The following RABGEF1 variants were observed in gnomAD, a reference collection of about 807,000 sequenced individuals.
The protein encoded by RABGEF1 is RAB guanine nucleotide exchange factor 1.
Under a neutral mutation model 57.3 loss-of-function variants are expected in RABGEF1, and 26 were observed. That is an observed-to-expected ratio of 0.45 (90% CI 0.33 to 0.63). The LOEUF (loss-of-function observed/expected upper bound fraction) is 0.63, where lower values mean the gene tolerates loss of function less well. Among genes scored for constraint, RABGEF1 ranks in the 20% least tolerant of loss-of-function variants. The pLI, the probability that RABGEF1 is intolerant of heterozygous loss-of-function variation, is 0.02. For missense variants in RABGEF1, 464 were observed against 607.6 expected (o/e 0.76, Z 2.48); for synonymous variants, 185 against 210.7 (o/e 0.88, Z 1.06).
At chr7:66,723,881 ATTATCTT>A (rs1796319016) in intron 2 of RABGEF1, among the ~76,000 whole-genome samples, 1 of 152,158 alleles carries the variant, frequency 6.6e-6, no homozygotes, top group Non-Finnish European at 1.5e-5. Context: ...TGCCTGGCCA[ATTATCTT>A]TTAAAGAAAT....
intron 1 of RABGEF1, among the ~76,000 whole-genome samples, chr7:66,748,512 A>G (rs1800739135): frequency 6.6e-6 from 1 of 152,348 alleles, no homozygotes; most frequent in South Asian, 2.1e-4. Context: ...TCGTGGGGGT[A>G]TCACGATGGA....
At chr7:66,664,317 C>T in the RABGEF1 span, among the ~76,000 whole-genome samples, 3 of 152,068 alleles carry the variant, frequency 2.0e-5, no homozygotes, top group Non-Finnish European at 4.4e-5. Flanking sequence ...CAGTGACTGA[C>T]ACCTGTAATC....
the RABGEF1 span, among the ~76,000 whole-genome samples, chr7:66,672,850 C>T: frequency 2.0e-5 from 3 of 152,240 alleles, no homozygotes; most frequent in Non-Finnish European, 4.4e-5. Context: ...AGTGGGCTAT[C>T]AGCTGCCTCC....
At chr7:66,797,260 T>C (rs2129175124) in intron 5 of RABGEF1, 114 bp from the exon 6 acceptor site, 9 of 1,122,140 alleles carry the variant, frequency 8.0e-6, no homozygotes, top group Non-Finnish European at 9.8e-6. Flanking sequence ...GCCAAGGTCA[T>C]GCTGCTGCAC....
intron 1 of RABGEF1, among the ~76,000 whole-genome samples, chr7:66,704,671 C>T (rs1054046203): frequency 1.4e-4 from 21 of 152,006 alleles, no homozygotes; most frequent in Admixed American, 1.0e-3. Context: ...ATTAGCCGGG[C>T]GTGGTGGTGG....
chr7:66,755,701 T>A (rs1802543674), intron 1 of RABGEF1, among the ~76,000 whole-genome samples: 1 of 152,160 alleles, frequency 6.6e-6, no homozygotes, highest in Non-Finnish European at 1.5e-5. Flanking sequence ...AATTTTGAGC[T>A]GTTATTCCGG....
chr7:66,796,404 AAG>A (rs750311989), intron 5 of RABGEF1, among the ~76,000 whole-genome samples: 17 of 152,278 alleles, frequency 1.1e-4, no homozygotes, highest in Admixed American at 2.0e-4. Context: ...ATGAAAGGAT[AAG>A]TTTCATCAGC....
rs1562877731 is a variant in RABGEF1, at chr7:66,799,432, C to T, written c.820+18C>T. 2.6e-6 allele frequency: 4 copies of T among 1,551,310 alleles called. No individual in the cohort carries two copies. The highest frequency in any genetic ancestry group is 2.2e-5 in the East Asian group (1 of 44,538). On this transcript the variant is annotated intron_variant, in intron 7 of 8. Coordinates refer to ENST00000284957, the MANE Select transcript of RABGEF1 (RefSeq NM_014504.3). ...GATCACAGGTCAGTGAAACCAAGAGCCTTTTTATTGGGATGTTTTCCCCTT... is the reference window on the plus strand; with the variant it reads ...GATCACAGGTCAGTGAAACCAAGAGTCTTTTTATTGGGATGTTTTCCCCTT...
intron 1 of RABGEF1, among the ~76,000 whole-genome samples, chr7:66,770,037 T>G (rs1806693270): frequency 6.6e-6 from 1 of 152,204 alleles, no homozygotes; most frequent in Admixed American, 6.5e-5. Flanking sequence ...AAGTGAGAAT[T>G]CCTATGTCTG....
chr7:66,778,386 G>A lies in RABGEF1; in HGVS notation c.346+2993G>A, dbSNP rs186388644. Reference sequence around the variant, plus strand: ...AGAAAGTAAATGGAATGTCTTGACTGTAAAGACTCAGTTAAAGTGTTTTAG... The same window carrying A: ...AGAAAGTAAATGGAATGTCTTGACTATAAAGACTCAGTTAAAGTGTTTTAG... On this transcript the variant is annotated intron_variant, in intron 3 of 8. Coordinates refer to ENST00000284957, the MANE Select transcript of RABGEF1 (RefSeq NM_014504.3). Among the ~76,000 whole-genome samples, 344 of 152,344 alleles carry A rather than the reference G, an allele frequency of 2.3e-3. 2 individuals are homozygous for A. The highest frequency in any genetic ancestry group is 8.1e-3 in the African/African-American group (336 of 41,576).
intron 1 of RABGEF1, among the ~76,000 whole-genome samples, chr7:66,710,511 A>C (rs1794648060): frequency 1.3e-5 from 2 of 152,192 alleles, no homozygotes; most frequent in Non-Finnish European, 2.9e-5. Flanking sequence ...GCATTGTATG[A>C]GAGTTCCAGT....
the RABGEF1 span, among the ~76,000 whole-genome samples, chr7:66,655,443 A>G: frequency 1.3e-5 from 2 of 151,792 alleles, no homozygotes; most frequent in Non-Finnish European, 2.9e-5. Context: ...TAAATAGGAA[A>G]TTTTCCCAGG....
At chr7:66,659,778 CAAAAAAAATAAATAAAT>C in the RABGEF1 span, among the ~76,000 whole-genome samples, 1 of 141,542 alleles carries the variant, frequency 7.1e-6, no homozygotes, top group South Asian at 2.2e-4. Context: ...GACTCCATCT[CAAAAAAAATAAATAAAT>C]AAAAATAAAA....
chr7:66,741,019 G>A (rs1422211960), intron 1 of RABGEF1, among the ~76,000 whole-genome samples: 1 of 152,168 alleles, frequency 6.6e-6, no homozygotes, highest in Non-Finnish European at 1.5e-5. Flanking sequence ...TCCTCAGAGT[G>A]CGGCCTCTCC....
chr7:66,749,232 C>T (rs1049049633), intron 1 of RABGEF1, among the ~76,000 whole-genome samples: 2 of 152,200 alleles, frequency 1.3e-5, no homozygotes, highest in African/African-American at 4.8e-5. Flanking sequence ...TGAACAGTTG[C>T]ACTTTCAAGT....
At chr7:66,738,930 G>A (rs1798387256), upstream of RABGEF1, among the ~76,000 whole-genome samples, 1 of 151,978 alleles carries the variant, frequency 6.6e-6, no homozygotes. Flanking sequence ...CACCTCCTCA[G>A]CACAGGTACT....
chr7:66,808,315 A>C (rs749530043), intron 8 of RABGEF1, among the ~76,000 whole-genome samples: 3 of 151,736 alleles, frequency 2.0e-5, no homozygotes, highest in African/African-American at 7.3e-5. Flanking sequence ...TCCCAGGTTC[A>C]AGCAATTCTC....
the RABGEF1 span, among the ~76,000 whole-genome samples, chr7:66,661,278 G>A: frequency 2.8e-5 from 3 of 105,320 alleles, no homozygotes; most frequent in East Asian, 8.7e-4. Context: ...CAGCCTGGGT[G>A]ACAAAGTGAG....
chr7:66,702,840 T>TGAA (rs1793494658), intron 1 of RABGEF1, among the ~76,000 whole-genome samples: 1 of 152,186 alleles, frequency 6.6e-6, no homozygotes, highest in East Asian at 1.9e-4. Flanking sequence ...TTTTTGTTGT[T>TGAA]CAGTTTTGAG....
Sources: allele counts gnomAD v4.1 joint callset (sites outside exome capture counted in the v4.1 genomes callset), GRCh38; gene constraint gnomAD v4.1.1; transcripts MANE v1.5; gene names NCBI Gene and HGNC (gene_info 2026-07-23, HGNC 2026-07-21).